The following ADGRL3 variants were observed in gnomAD, a reference collection of about 807,000 sequenced individuals.
ADGRL3 encodes calcium-independent alpha-latrotoxin receptor 3.
A neutral mutation model predicts 153.5 loss-of-function variants in ADGRL3; 62 were observed. That is an observed-to-expected ratio of 0.40 (90% CI 0.33 to 0.50). The LOEUF (loss-of-function observed/expected upper bound fraction) is 0.50. Among genes scored for constraint, ADGRL3 ranks in the 20% least tolerant of loss-of-function variants. The pLI, the probability that ADGRL3 is intolerant of heterozygous loss-of-function variation, is 0.47. For synonymous variants in ADGRL3, 710 were observed against 672.5 expected (o/e 1.06, Z -0.86); for missense variants, 1,641 against 1,859.4 (o/e 0.88, Z 2.16).
intron 13 of ADGRL3, among the ~76,000 whole-genome samples, chr4:61,921,716 T>A (rs539703100): frequency 2.0e-5 from 3 of 152,336 alleles, no homozygotes; most frequent in Admixed American, 2.0e-4. Flanking sequence ...TGTTAGCTTT[T>A]TAAATATCTT....
chr4:61,743,441 T>C (rs2096609822), intron 8 of ADGRL3, among the ~76,000 whole-genome samples: 2 of 152,166 alleles, frequency 1.3e-5, no homozygotes, highest in South Asian at 2.1e-4. Flanking sequence ...TTATCTCTAA[T>C]GCTAGTTATT....
Position 61,405,647 on chromosome 4 carries a change from A to G in ADGRL3, c.-174+22458A>G, listed in dbSNP as rs1399231045. Among the ~76,000 whole-genome samples, 3 of 151,718 alleles carry G rather than the reference A, an allele frequency of 2.0e-5. No individual in the cohort carries two copies. In the East Asian group the frequency reaches 5.9e-4, roughly 30 times the overall value. ...ATGCTAAATATTAGTACAGACTATGAGATACAGTATTTTTTAAAATATTTA... is the reference window on the plus strand; with the variant it reads ...ATGCTAAATATTAGTACAGACTATGGGATACAGTATTTTTTAAAATATTTA... On this transcript the variant is annotated intron_variant, in intron 2 of 26. Coordinates refer to ENST00000683033, the MANE Select transcript of ADGRL3 (RefSeq NM_001387552.1).
Position 61,584,507 on chromosome 4 carries a change from A to C in ADGRL3, c.260-2720A>C, listed in dbSNP as rs372078068. ...ATTGACAAAATTGACCCATGAGTTT[A>C]ATAAACCAAATTCCCCACTTACTGA... On this transcript the variant is annotated intron_variant, in intron 4 of 26. Transcript: ENST00000683033. Among the ~76,000 whole-genome samples the C allele has an allele frequency of 1.1e-4, 17 of 152,134 alleles. No individual in the cohort carries two copies. In the South Asian group the frequency reaches 3.5e-3, roughly 32 times the overall value.
chr4:62,058,211 G>T (rs1738088172), intron 25 of ADGRL3, among the ~76,000 whole-genome samples: 1 of 150,802 alleles, frequency 6.6e-6, no homozygotes, highest in South Asian at 2.1e-4. Context: ...TTTGTTTTCT[G>T]TTGTTATCCG....
At chr4:62,047,645 C>T (rs894414024) in intron 25 of ADGRL3, among the ~76,000 whole-genome samples, 7 of 152,026 alleles carry the variant, frequency 4.6e-5, no homozygotes, top group Non-Finnish European at 7.4e-5. Context: ...TATATTAATT[C>T]CTTTATATTC....
chr4:61,758,954 G>C (rs2096874086), intron 8 of ADGRL3, among the ~76,000 whole-genome samples: 1 of 152,142 alleles, frequency 6.6e-6, no homozygotes, highest in Non-Finnish European at 1.5e-5. Flanking sequence ...AGTTTGGCTG[G>C]ATATGAAATT....
At chr4:61,594,610 A>G (rs2098981745) in intron 5 of ADGRL3, among the ~76,000 whole-genome samples, 1 of 152,106 alleles carries the variant, frequency 6.6e-6, no homozygotes, top group African/African-American at 2.4e-5. Flanking sequence ...ACTCTCAAAC[A>G]TATTGAGTGT....
chr4:61,445,573 G>C (rs755025731), intron 2 of ADGRL3, among the ~76,000 whole-genome samples: 1 of 152,172 alleles, frequency 6.6e-6, no homozygotes, highest in Non-Finnish European at 1.5e-5. Context: ...GAGCAGGTTA[G>C]TTAAAGAGGC....
intron 9 of ADGRL3, among the ~76,000 whole-genome samples, chr4:61,833,327 G>A (rs1054942404): frequency 6.6e-6 from 1 of 152,124 alleles, no homozygotes; most frequent in Non-Finnish European, 1.5e-5. Flanking sequence ...CGTAGACATA[G>A]CAGATTTATC....
At chr4:61,437,030 T>A (rs1431659676) in intron 2 of ADGRL3, among the ~76,000 whole-genome samples, 3 of 152,116 alleles carry the variant, frequency 2.0e-5, no homozygotes, top group Non-Finnish European at 4.4e-5. Context: ...AATGCATAGA[T>A]ATCTAAAGTT....
chr4:62,004,466 TA>T (rs909546459), intron 21 of ADGRL3, among the ~76,000 whole-genome samples: 3 of 151,932 alleles, frequency 2.0e-5, no homozygotes, highest in African/African-American at 7.2e-5. Flanking sequence ...TAGTTACTGA[TA>T]AAAAATACTG....
intron 2 of ADGRL3, among the ~76,000 whole-genome samples, chr4:61,451,256 A>G (rs756769111): frequency 2.0e-5 from 3 of 152,172 alleles, no homozygotes; most frequent in Non-Finnish European, 4.4e-5. Flanking sequence ...AGACATTCCT[A>G]TAAAAATCCA....
intron 1 of ADGRL3, among the ~76,000 whole-genome samples, chr4:61,288,085 A>G (rs942554792): frequency 2.6e-5 from 4 of 151,912 alleles, no homozygotes; most frequent in Non-Finnish European, 5.9e-5. Context: ...TACAATTCTT[A>G]TGGACATCCC....
At chr4:61,710,324 A>G (rs1286830699) in intron 6 of ADGRL3, among the ~76,000 whole-genome samples, 2 of 152,212 alleles carry the variant, frequency 1.3e-5, no homozygotes, top group African/African-American at 4.8e-5. Context: ...GGGAATGGCC[A>G]TTGATCCAAT....
intron 1 of ADGRL3, among the ~76,000 whole-genome samples, chr4:61,306,924 C>G (rs2094811518): frequency 6.6e-6 from 1 of 152,158 alleles, no homozygotes; most frequent in African/African-American, 2.4e-5. Flanking sequence ...GCTACAGCTA[C>G]CATTGGCAAT....
chr4:61,729,109 A>G (rs1230846041), intron 6 of ADGRL3, among the ~76,000 whole-genome samples: 1 of 151,948 alleles, frequency 6.6e-6, no homozygotes, highest in Non-Finnish European at 1.5e-5. Flanking sequence ...TACTGTGCTC[A>G]CTACCTGGGT....
At chr4:61,478,457 A>T (rs546236443) in intron 2 of ADGRL3, among the ~76,000 whole-genome samples, 238 of 152,138 alleles carry the variant, frequency 1.6e-3, no homozygotes, top group African/African-American at 5.4e-3. Flanking sequence ...TGGTTTAATG[A>T]TCTCTAAAAT....
intron 5 of ADGRL3, among the ~76,000 whole-genome samples, chr4:61,605,224 T>C (rs1019905065): frequency 6.6e-6 from 1 of 151,738 alleles, no homozygotes; most frequent in African/African-American, 2.4e-5. Flanking sequence ...AAATCAGAAG[T>C]AAACTATTCT....
At chr4:61,214,690 C>A (rs1317825487) in intron 1 of ADGRL3, among the ~76,000 whole-genome samples, 1 of 152,072 alleles carries the variant, frequency 6.6e-6, no homozygotes, top group African/African-American at 2.4e-5. Context: ...AATCCCGGTA[C>A]TTTGGGAGGC....
Sources: gnomAD v4.1 joint callset for allele counts (sites outside exome capture counted in the v4.1 genomes callset) on GRCh38, gnomAD v4.1.1 for gene constraint, MANE v1.5 for transcripts, NCBI Gene and HGNC (gene_info 2026-07-23, HGNC 2026-07-21) for gene names.